The following RIPOR2 variants were observed in gnomAD, a reference collection of about 807,000 sequenced individuals.
The protein encoded by RIPOR2 is RHO family interacting cell polarization regulator 2, also known as rho family-interacting cell polarization regulator 2.
A neutral mutation model predicts 114.5 loss-of-function variants in RIPOR2; 39 were observed. That is an observed-to-expected ratio of 0.34 (90% CI 0.26 to 0.44). RIPOR2 has a LOEUF of 0.44. Ranked by LOEUF, RIPOR2 falls within the 20% of genes least tolerant of loss-of-function variation. RIPOR2 has a pLI of 1.00. For missense variants in RIPOR2, 1,007 were observed against 1,255.1 expected (o/e 0.80, Z 2.99); for synonymous variants, 445 against 484.4 (o/e 0.92, Z 1.07).
intron 1 of RIPOR2, among the ~76,000 whole-genome samples, chr6:24,962,011 A>G (rs1773331124): frequency 1.3e-5 from 2 of 152,126 alleles, no homozygotes; most frequent in South Asian, 2.1e-4. Context: ...TGGTCCAGAG[A>G]GGCTAAGCAC....
intron 5 of RIPOR2, among the ~76,000 whole-genome samples, chr6:24,870,333 G>A (rs115677340): frequency 2.0e-3 from 301 of 152,202 alleles, no homozygotes; most frequent in Admixed American, 4.1e-3. Flanking sequence ...ACAACCCAGT[G>A]GCATTTTAAT....
In RIPOR2 at chr6:24,839,428, A is replaced by G. The variant is rs936498325; in HGVS notation, c.1858-156T>C. The G allele has an allele frequency of 1.7e-5, 24 of 1,429,898 alleles. No homozygotes were observed. In the African/African-American group the frequency reaches 2.8e-4, roughly 16 times the overall value. 88.6% of individuals were successfully genotyped at this position (1,429,898 alleles called of 1,614,324 possible). A position where few individuals can be genotyped will look rare whatever the true frequency, so the allele number is the denominator to read the frequency against. On this transcript the variant is annotated intron_variant, in intron 13 of 21. Coordinates refer to ENST00000643898, the MANE Select transcript of RIPOR2 (RefSeq NM_001286445.3). ...AATGCATTTAAAAATCTTTATATCC[A>G]AAAAAGAAGTACAACCATGGATAAA...
intron 20 of RIPOR2, 63 bp from the exon 21 acceptor site, chr6:24,809,870 G>T: frequency 1.8e-6 from 2 of 1,089,996 alleles, no homozygotes; most frequent in Non-Finnish European, 2.7e-6. Flanking sequence ...CACGAGACTT[G>T]GCATTTCACA....
At chr6:24,830,915 C>T (rs1412710435) in intron 16 of RIPOR2, among the ~76,000 whole-genome samples, 2 of 151,980 alleles carry the variant, frequency 1.3e-5, no homozygotes, top group Non-Finnish European at 2.9e-5. Flanking sequence ...GAGGTATTAC[C>T]ATGTTGGTCA....
At chr6:24,860,476 G>A (rs1763970343) in intron 8 of RIPOR2, among the ~76,000 whole-genome samples, 1 of 152,172 alleles carries the variant, frequency 6.6e-6, no homozygotes, top group Admixed American at 6.5e-5. Flanking sequence ...ATCTGATAAT[G>A]GAATGGGTTA....
intron 17 of RIPOR2, among the ~76,000 whole-genome samples, chr6:24,828,967 TG>T (rs1290147109): frequency 6.6e-6 from 1 of 152,196 alleles, no homozygotes; most frequent in Non-Finnish European, 1.5e-5. Context: ...ACAAAGTATC[TG>T]TGAGAATCAT....
At chr6:24,973,621 C>G (rs1483027514) in intron 1 of RIPOR2, among the ~76,000 whole-genome samples, 1 of 150,280 alleles carries the variant, frequency 6.7e-6, no homozygotes, top group African/African-American at 2.4e-5. Flanking sequence ...AGTCATCCTT[C>G]TACCAAAAAG....
At chr6:24,963,678 A>G (rs1416754417) in intron 1 of RIPOR2, among the ~76,000 whole-genome samples, 2 of 152,196 alleles carry the variant, frequency 1.3e-5, no homozygotes, top group South Asian at 2.1e-4. Context: ...GCTGCAGAAA[A>G]GTTATGTATA....
chr6:25,039,413 G>C (rs1777378842), intron 1 of RIPOR2, among the ~76,000 whole-genome samples: 1 of 152,194 alleles, frequency 6.6e-6, no homozygotes, highest in Admixed American at 6.5e-5. Context: ...ATGCAGCAGG[G>C]CTCTTGACCA....
chr6:24,970,867 T>TA (rs1357131825), intron 1 of RIPOR2, among the ~76,000 whole-genome samples: 11 of 150,252 alleles, frequency 7.3e-5, no homozygotes, highest in Non-Finnish European at 1.5e-4. Context: ...CTGGAGTCAC[T>TA]AGCAAGCGGC....
intron 7 of RIPOR2, among the ~76,000 whole-genome samples, chr6:24,864,357 A>C (rs1048485926): frequency 6.6e-6 from 1 of 152,168 alleles, no homozygotes; most frequent in African/African-American, 2.4e-5. Context: ...AATTATTCTA[A>C]AGGAGGAACT....
intron 21 of RIPOR2, among the ~76,000 whole-genome samples, chr6:24,806,725 G>A (rs1780794447): frequency 6.6e-6 from 1 of 152,156 alleles, no homozygotes; most frequent in Non-Finnish European, 1.5e-5. Flanking sequence ...CAGAGTAGAA[G>A]TCTTATGGCC....
At chr6:24,961,276 G>C (rs893421258) in intron 1 of RIPOR2, among the ~76,000 whole-genome samples, 1 of 152,194 alleles carries the variant, frequency 6.6e-6, no homozygotes, top group African/African-American at 2.4e-5. Context: ...TAAGACATCG[G>C]GGGGATACTT....
chr6:24,988,770 C>T (rs145302457), intron 1 of RIPOR2, among the ~76,000 whole-genome samples: 563 of 152,220 alleles, frequency 3.7e-3, no homozygotes, highest in African/African-American at 0.013. Flanking sequence ...TCATCCAGAA[C>T]AGGGGTTGGT....
chr6:25,020,767 A>G (rs1776280767), intron 1 of RIPOR2, among the ~76,000 whole-genome samples: 1 of 152,246 alleles, frequency 6.6e-6, no homozygotes, highest in Admixed American at 6.5e-5. Context: ...TTCACAAATA[A>G]TATTGTCAAA....
chr6:24,810,253 C>T (rs1266516569), intron 20 of RIPOR2, among the ~76,000 whole-genome samples: 1 of 152,092 alleles, frequency 6.6e-6, no homozygotes, highest in Non-Finnish European at 1.5e-5. Flanking sequence ...GGATGGGGCC[C>T]AGAGTTCTTA....
At chr6:24,835,143 C>T (rs779805347) in intron 15 of RIPOR2, among the ~76,000 whole-genome samples, 2 of 152,124 alleles carry the variant, frequency 1.3e-5, no homozygotes, top group Non-Finnish European at 2.9e-5. Flanking sequence ...AAGTGGTAAA[C>T]AGCTTGAGAT....
At chr6:24,970,575 C>A (rs945629054) in intron 1 of RIPOR2, among the ~76,000 whole-genome samples, 12 of 152,146 alleles carry the variant, frequency 7.9e-5, no homozygotes, top group African/African-American at 2.9e-4. Flanking sequence ...TCTTGGTAAT[C>A]TGTGGGGAAC....
At chr6:25,005,738 T>TACACATACATAC (rs1554130559) in intron 1 of RIPOR2, among the ~76,000 whole-genome samples, 1 of 70,700 alleles carries the variant, frequency 1.4e-5, no homozygotes, top group Non-Finnish European at 3.3e-5. Context: ...TATATATATA[T>TACACATACATAC]ATACATTTAC....
Sources: gnomAD v4.1 joint callset for allele counts (sites outside exome capture counted in the v4.1 genomes callset) on GRCh38, gnomAD v4.1.1 for gene constraint, MANE v1.5 for transcripts, NCBI Gene and HGNC (gene_info 2026-07-23, HGNC 2026-07-21) for gene names.